Variants in TTC32 observed in about 807,000 individuals in gnomAD.
The protein encoded by TTC32 is tetratricopeptide repeat protein 32.
A neutral mutation model predicts 15.3 loss-of-function variants in TTC32; 16 were observed. The ratio of observed to expected loss-of-function variants is 1.05; its 90% CI spans 0.71 to 1.59. The LOEUF (loss-of-function observed/expected upper bound fraction) is 1.59, where lower values mean the gene tolerates loss of function less well. Ranked by LOEUF, TTC32 falls within the 40% of genes most tolerant of loss-of-function variation. TTC32 has a pLI of 0.00. For synonymous variants in TTC32, 89 were observed against 67.8 expected (o/e 1.31, Z -1.53); for missense variants, 188 against 181.9 (o/e 1.03, Z -0.19).
rs1669606626 is a variant in TTC32 at position 19,901,648 on chromosome 2, C to A, written c.149+58G>T. On this transcript the variant is annotated intron_variant, in intron 1 of 2. Coordinates refer to ENST00000333610, the MANE Select transcript of TTC32 (RefSeq NM_001008237.3). ...CCAGAGGCAAAGATAGGAGCCCAAA[C>A]AACCCCAACGTCGCCTCCACCCGGG... The A allele has an allele frequency of 1.5e-5, 24 of 1,571,974 alleles. No individual in the cohort carries two copies. In the South Asian group the frequency reaches 2.5e-4, roughly 17 times the overall value.
Position 19,899,625 on chromosome 2 carries a change from C to T in TTC32, c.150-1590G>A, listed in dbSNP as rs933578225. Among the ~76,000 whole-genome samples, 12 of 150,232 alleles carry T rather than the reference C, an allele frequency of 8.0e-5. 1 individual carries two copies. The highest frequency in any genetic ancestry group is 6.6e-5 in the Admixed American group (1 of 15,056). On this transcript the variant is annotated intron_variant, in intron 1 of 2. Coordinates refer to ENST00000333610, the MANE Select transcript of TTC32 (RefSeq NM_001008237.3). ...TTATAATGGAATTCATTCAAGTTACCTAACCCAAATGTGAATTTTTAGGAT... is the reference window on the plus strand; with the variant it reads ...TTATAATGGAATTCATTCAAGTTACTTAACCCAAATGTGAATTTTTAGGAT...
Position 19,901,896 on chromosome 2 carries a change from C to T in TTC32, c.-42G>A, listed in dbSNP as rs755667130. 5.3e-5 allele frequency: 85 copies of T among 1,611,340 alleles called. No individual in the cohort carries two copies. Among genetic ancestry groups the T allele is most frequent in the Non-Finnish European group, 6.9e-5 (81 of 1,178,464 alleles). On this transcript the variant is annotated 5_prime_UTR_variant, in exon 1 of 3. Coordinates refer to ENST00000333610, the MANE Select transcript of TTC32 (RefSeq NM_001008237.3). ...TTTTCGGTGTAGAATGGGGGTTGAC[C>T]TCCGAGCGGTTAGAGGTGGCACCAC...
intron 2 of TTC32, 81 bp downstream of exon 2, chr2:19,897,788 C>T (rs1322854252): frequency 1.8e-6 from 2 of 1,136,922 alleles, no homozygotes; most frequent in Non-Finnish European, 2.4e-6. Context: ...TTGATTACCA[C>T]GTTAGTTTTA....
intron 1 of TTC32, chr2:19,900,896 C>A: frequency 3.1e-6 from 1 of 318,840 alleles, no homozygotes; most frequent in Non-Finnish European, 6.5e-6. Flanking sequence ...AAGTCCAAAA[C>A]ACGGAAATTC....
intron 1 of TTC32, among the ~76,000 whole-genome samples, chr2:19,898,842 G>GC (rs11445924): frequency 0.03 from 4,570 of 152,314 alleles, 217 homozygotes; most frequent in African/African-American, 0.098. Flanking sequence ...ACCTTTCTCT[G>GC]CACAGGACAA....
rs780732607 is a variant in TTC32, at chr2:19,901,790, C to T, written c.65G>A (p.Gly22Glu). ...LTLAQAHFNNGEYAEAEALYS... is the reference protein window; with the variant it reads ...LTLAQAHFNNEEYAEAEALYS... Reference sequence around the variant, plus strand: ...CAGTGCCTCGGCCTCCGCGTACTCTCCATTGTTGAAATGAGCCTGGGCGAG... The same window carrying T: ...CAGTGCCTCGGCCTCCGCGTACTCTTCATTGTTGAAATGAGCCTGGGCGAG... The change falls in exon 1 of 3, where the codon GGA becomes GAA. Residue 22 changes from glycine (G) to glutamate (E), a missense_variant. Gly to Glu is a moderately conservative substitution (Grantham distance 98). Transcript: ENST00000333610. 9.9e-6 allele frequency: 16 copies of T among 1,614,232 alleles called. No homozygotes were observed. Among genetic ancestry groups the T allele is most frequent in the African/African-American group, 1.3e-5 (1 of 75,076 alleles).
At chr2:19,898,244 T>G in intron 1 of TTC32, 1 of 424,732 alleles carries the variant, frequency 2.4e-6, no homozygotes. Flanking sequence ...GTTATACCAC[T>G]GCAATGTCAA....
In TTC32 at chr2:19,897,873, C is replaced by A. The variant is rs1459583980; in HGVS notation, c.312G>T (p.Arg104Ser). 1.9e-6 allele frequency: 3 copies of A among 1,577,406 alleles called. No homozygotes were observed. Among genetic ancestry groups the A allele is most frequent in the Admixed American group, 3.5e-5 (2 of 56,428 alleles). Residue 104 changes from arginine to serine, a missense_variant, in exon 2 of 3, where the codon AGG (arginine) becomes AGT (serine). Arg to Ser is a moderately radical substitution (Grantham distance 110). Transcript: ENST00000333610. ...AAAAAGAAAAAAAATTCTTACCCAGCCTATACAGTATCAACCCTCTGTTGT... is the reference window on the plus strand; with the variant it reads ...AAAAAGAAAAAAAATTCTTACCCAGACTATACAGTATCAACCCTCTGTTGT... ...PYYNRGLILY[R>S]LGYFDDALED...
At chr2:19,901,674 G>T (rs761597976) in intron 1 of TTC32, 32 bp downstream of exon 1, 1 of 1,599,400 alleles carries the variant, frequency 6.3e-7, no homozygotes, top group African/African-American at 1.3e-5. Context: ...TCCACCCGGG[G>T]TCGCCGCGGC....
intron 1 of TTC32, among the ~76,000 whole-genome samples, chr2:19,900,649 A>C (rs772982683): frequency 1.3e-5 from 2 of 152,214 alleles, no homozygotes; most frequent in African/African-American, 2.4e-5. Context: ...TCCAGGCACA[A>C]GCCGAAAAGA....
intron 1 of TTC32, among the ~76,000 whole-genome samples, chr2:19,898,806 C>G (rs1442238391): frequency 6.6e-6 from 1 of 152,230 alleles, no homozygotes; most frequent in South Asian, 2.1e-4. Flanking sequence ...ACCAGCTCAA[C>G]AGGTCACAGC....
Position 19,901,759 on chromosome 2 carries a change from G to A in TTC32, c.96C>T (p.Ser32=), listed in dbSNP as rs780542373. Reference sequence around the variant, plus strand: ...CGCAAGCGCACCGGCGAATGTAAGCGGAGTACAGTGCCTCGGCCTCCGCGT... The same window carrying A: ...CGCAAGCGCACCGGCGAATGTAAGCAGAGTACAGTGCCTCGGCCTCCGCGT... The part of the protein sequence containing the change: ...GEYAEAEALY[S]AYIRRCACAA... The change falls in exon 1 of 3, where the codon TCC becomes TCT. Residue 32 remains serine (S), a synonymous_variant. Coordinates refer to ENST00000333610, the MANE Select transcript of TTC32 (RefSeq NM_001008237.3). The A allele has an allele frequency of 6.2e-6, 10 of 1,613,864 alleles. No individual in the cohort carries two copies. Among genetic ancestry groups the A allele is most frequent in the Admixed American group, 5.0e-5 (3 of 59,982 alleles).
Position 19,897,863 on chromosome 2 carries a change from T to C in TTC32, c.316+6A>G, listed in dbSNP as rs1241901727. ...GACAAAACTCAAAAAGAAAAAAAAT[T>C]CTTACCCAGCCTATACAGTATCAAC... On this transcript the variant is annotated splice_donor_region_variant and intron_variant, in intron 2 of 2. Transcript: ENST00000333610. The C allele has an allele frequency of 2.7e-6, 4 of 1,494,368 alleles. No homozygotes were observed. Among genetic ancestry groups the C allele is most frequent in the Non-Finnish European group, 3.6e-6 (4 of 1,112,344 alleles). 92.6% of individuals were successfully genotyped at this position (1,494,368 alleles called of 1,614,324 possible). A position where few individuals can be genotyped will look rare whatever the true frequency, so the allele number is the denominator to read the frequency against.
chr2:19,901,644 C>A lies in TTC32; in HGVS notation c.149+62G>T, dbSNP rs577324095. On this transcript the variant is annotated intron_variant, in intron 1 of 2. Transcript: ENST00000333610. ...AGCTCCAGAGGCAAAGATAGGAGCCCAAACAACCCCAACGTCGCCTCCACC... is the reference window on the plus strand; with the variant it reads ...AGCTCCAGAGGCAAAGATAGGAGCCAAAACAACCCCAACGTCGCCTCCACC... The A allele has an allele frequency of 3.2e-5, 50 of 1,567,698 alleles. No homozygotes were observed. The African/African-American group carries it at 3.8e-4, about 12-fold the overall frequency.
At position 19,896,923 on chromosome 2, in the gene TTC32, A is replaced by C; in HGVS notation, c.*64T>G. On this transcript the variant is annotated 3_prime_UTR_variant, in exon 3 of 3. Coordinates refer to ENST00000333610, the MANE Select transcript of TTC32 (RefSeq NM_001008237.3). ...ATAAATCAAAATAGCTCAATATCTA[A>C]ATTACTGATAACTAGATGCAGATGT... The C allele has an allele frequency of 4.3e-6, 6 of 1,394,452 alleles. No homozygotes were observed. The highest frequency in any genetic ancestry group is 5.8e-6 in the Non-Finnish European group (6 of 1,030,788). The allele number at this position is 1,394,452 out of a possible 1,614,324, so 86.4% of individuals were successfully genotyped here. A position where few individuals can be genotyped will look rare whatever the true frequency, so the allele number is the denominator to read the frequency against.
Position 19,901,749 on chromosome 2 carries a change from G to T in TTC32, c.106C>A (p.Arg36Ser), listed in dbSNP as rs764356373. The change falls in exon 1 of 3, where the codon CGC (arginine) becomes AGC (serine). Residue 36 changes from arginine (R) to serine (S), a missense_variant. Physicochemically the swap from Arg to Ser is moderately radical, Grantham distance 110. Coordinates refer to ENST00000333610, the MANE Select transcript of TTC32 (RefSeq NM_001008237.3). Reference sequence around the variant, plus strand: ...CTGGAGGCCGCGCAAGCGCACCGGCGAATGTAAGCGGAGTACAGTGCCTCG... The same window carrying T: ...CTGGAGGCCGCGCAAGCGCACCGGCTAATGTAAGCGGAGTACAGTGCCTCG... ...EAEALYSAYI[R>S]RCACAASSDE... is the part of the protein sequence containing the mutation. 3 of 1,613,552 alleles carry T rather than the reference G, an allele frequency of 1.9e-6. No homozygotes were observed. The Admixed American group carries it at 5.0e-5, about 27-fold the overall frequency.
rs779897492 is a variant in TTC32 at position 19,897,029 on chromosome 2, GT to G, written c.413del (p.Asp138AlafsTer32). 22 of 1,598,212 alleles carry G rather than the reference GT, an allele frequency of 1.4e-5. No homozygotes were observed. The African/African-American group carries it at 2.6e-4, about 19-fold the overall frequency. The part of the protein sequence containing the change: ...ATLSLKQTIL[D>X]KEEKQRRNVA... Reference sequence around the variant, plus strand: ...CATTTCTTCTTTGTTTTTCTTCTTTGTCTAGAATAGTCTGTTTTAAGCTCAA... The same window carrying G: ...CATTTCTTCTTTGTTTTTCTTCTTTGCTAGAATAGTCTGTTTTAAGCTCAA... On this transcript the variant is annotated frameshift_variant, in exon 3 of 3. Transcript: ENST00000333610. LOFTEE classifies it high-confidence loss of function.
In TTC32 at chr2:19,901,859, G is replaced by T. The variant is rs1482653109; in HGVS notation, c.-5C>A. 6.2e-7 allele frequency: 1 copy of T among 1,614,000 alleles called. No homozygotes were observed. Among genetic ancestry groups the T allele is most frequent in the East Asian group, 2.2e-5 (1 of 44,870 alleles). On this transcript the variant is annotated 5_prime_UTR_variant, in exon 1 of 3. In the 5' UTR this introduces an upstream ATG that the reference lacks. Transcript: ENST00000333610. ...TTCTTGCCGCTGTCCTTCCATAGCA[G>T]CCAAGGCCTAGTTTTCGGTGTAGAA...
chr2:19,901,777 C>G lies in TTC32; in HGVS notation c.78G>C (p.Glu26Asp), dbSNP rs1227214282. The G allele has an allele frequency of 1.9e-6, 3 of 1,614,226 alleles. No homozygotes were observed. Among genetic ancestry groups the G allele is most frequent in the Middle Eastern group, 3.3e-4 (2 of 6,062 alleles). ...TGTAAGCGGAGTACAGTGCCTCGGCCTCCGCGTACTCTCCATTGTTGAAAT... is the reference window on the plus strand; with the variant it reads ...TGTAAGCGGAGTACAGTGCCTCGGCGTCCGCGTACTCTCCATTGTTGAAAT... ...QAHFNNGEYAEAEALYSAYIR... is the reference protein window; with the variant it reads ...QAHFNNGEYADAEALYSAYIR... The change falls in exon 1 of 3, where the codon GAG becomes GAC. Residue 26 changes from glutamate (E) to aspartate (D), a missense_variant. Physicochemically the swap from Glu to Asp is conservative, Grantham distance 45 (BLOSUM62 2). Transcript: ENST00000333610.
Sources: gnomAD v4.1 joint callset for allele counts (sites outside exome capture counted in the v4.1 genomes callset) on GRCh38, gnomAD v4.1.1 for gene constraint, MANE v1.5 for transcripts, NCBI Gene and HGNC (gene_info 2026-07-23, HGNC 2026-07-21) for gene names.